The following WDPCP variants were observed in gnomAD, a reference collection of about 807,000 sequenced individuals.
WDPCP encodes WD repeat-containing and planar cell polarity effector protein fritz homolog.
WDPCP carries 71 observed loss-of-function variants against 93.1 expected under a neutral mutation model. That is an observed-to-expected ratio of 0.76 (90% confidence interval 0.63 to 0.93). The LOEUF is 0.93. Among genes scored for constraint, WDPCP ranks in the 40% least tolerant of loss-of-function variants. WDPCP has a pLI of 0.00. For missense variants in WDPCP, 844 were observed against 887.4 expected (o/e 0.95, Z 0.62); for synonymous variants, 315 against 315.0 (o/e 1.00, Z 0.00).
At position 63,120,907 on chromosome 2, in the gene WDPCP, A is replaced by AT. The variant is rs1207261003; in HGVS notation, c.*1098dup. Reference sequence around the variant, plus strand: ...TGTCAATAACTGTGAAGGGTATGAGATTTTACCCTACTTACTAGCTAACAA... The same window carrying AT: ...TGTCAATAACTGTGAAGGGTATGAGATTTTTACCCTACTTACTAGCTAACAA... On this transcript the variant is annotated 3_prime_UTR_variant, in exon 18 of 18. Coordinates refer to ENST00000272321, the MANE Select transcript of WDPCP (RefSeq NM_015910.7). Among the ~76,000 whole-genome samples, 1 of 152,056 alleles carries AT rather than the reference A, an allele frequency of 6.6e-6. No homozygotes were observed. Among genetic ancestry groups the AT allele is most frequent in the African/African-American group, 2.4e-5 (1 of 41,404 alleles).
At chr2:63,267,063 C>G (rs1682192342) in intron 13 of WDPCP, among the ~76,000 whole-genome samples, 1 of 152,002 alleles carries the variant, frequency 6.6e-6, no homozygotes, top group African/African-American at 2.4e-5. Context: ...GGAGGCAACA[C>G]AATAACTTCA....
intron 3 of WDPCP, among the ~76,000 whole-genome samples, chr2:63,649,480 G>C (rs1171518147): frequency 1.3e-5 from 2 of 152,102 alleles, no homozygotes; most frequent in Admixed American, 6.5e-5. Context: ...CCCACCTGTT[G>C]GTTATTGTGA....
At chr2:63,214,692 T>G (rs944736791) in intron 14 of WDPCP, among the ~76,000 whole-genome samples, 8 of 152,220 alleles carry the variant, frequency 5.3e-5, no homozygotes, top group African/African-American at 1.9e-4. Context: ...TGTCCCTGTT[T>G]GCAGATGACA....
chr2:63,408,931 C>A (rs184086997), intron 9 of WDPCP, among the ~76,000 whole-genome samples: 5 of 152,206 alleles, frequency 3.3e-5, no homozygotes, highest in South Asian at 2.1e-4. Context: ...ACACACCTAG[C>A]CCTGCTCCCA....
chr2:63,317,252 C>G (rs796467909), intron 12 of WDPCP, among the ~76,000 whole-genome samples: 1 of 151,662 alleles, frequency 6.6e-6, no homozygotes, highest in African/African-American at 2.4e-5. Flanking sequence ...AAAAACAATA[C>G]AAAACATTAG....
At chr2:63,401,282 C>T (rs1694130154) in intron 10 of WDPCP, among the ~76,000 whole-genome samples, 2 of 152,150 alleles carry the variant, frequency 1.3e-5, no homozygotes, top group African/African-American at 2.4e-5. Context: ...CTACAAGGAA[C>T]TTAAACAAAT....
In WDPCP at chr2:63,640,157, C is replaced by T. The variant is rs923336049; in HGVS notation, n.488+10502G>A. Among the ~76,000 whole-genome samples the T allele has an allele frequency of 3.3e-5, 5 of 152,128 alleles. No homozygotes were observed. In the South Asian group the frequency reaches 1.0e-3, roughly 32 times the overall value. Reference sequence around the variant, plus strand: ...CCGAGTAGCTGGGACTACAGGCGCCCGCCACGACGCCCAGCTAATTTTTTG... The same window carrying T: ...CCGAGTAGCTGGGACTACAGGCGCCTGCCACGACGCCCAGCTAATTTTTTG... On this transcript the variant is annotated intron_variant and non_coding_transcript_variant, in intron 3 of 4. Transcript: ENST00000467687.
chr2:63,751,059 A>G (rs904704658), intron 2 of WDPCP, among the ~76,000 whole-genome samples: 1 of 152,110 alleles, frequency 6.6e-6, no homozygotes, highest in Admixed American at 6.5e-5. Flanking sequence ...TTATTTCTTC[A>G]GTGAATGTTC....
chr2:63,148,975 G>A (rs948587269), intron 17 of WDPCP, among the ~76,000 whole-genome samples: 5 of 151,962 alleles, frequency 3.3e-5, no homozygotes, highest in African/African-American at 4.8e-5. Context: ...TGGAAATAAG[G>A]AAGGACATCT....
chr2:63,215,009 G>C (rs951223790), intron 14 of WDPCP, among the ~76,000 whole-genome samples: 4 of 152,112 alleles, frequency 2.6e-5, no homozygotes, highest in African/African-American at 4.8e-5. Flanking sequence ...CCATGCTCAC[G>C]GATAGGAAGA....
At position 63,461,209 on chromosome 2, in the gene WDPCP, C is replaced by G. The variant is rs141163228; in HGVS notation, c.385-21338G>C. Among the ~76,000 whole-genome samples the G allele has an allele frequency of 3.9e-3, 596 of 152,294 alleles. 4 individuals carry two copies. Among genetic ancestry groups the G allele is most frequent in the African/African-American group, 0.013 (559 of 41,566 alleles). On this transcript the variant is annotated intron_variant, in intron 6 of 17. Coordinates refer to ENST00000272321, the MANE Select transcript of WDPCP (RefSeq NM_015910.7). ...TTTGGATATTTGTCCCCACCCAAAT[C>G]TCATGTTGAAATGTAATCCCCAGTG...
the WDPCP span, among the ~76,000 whole-genome samples, chr2:63,840,446 A>T: frequency 6.6e-6 from 1 of 152,338 alleles, no homozygotes; most frequent in Admixed American, 6.5e-5. Flanking sequence ...AACCGGGGCA[A>T]TGGGGATGGT....
upstream of WDPCP, chr2:63,593,571 A>G (rs1709243421): frequency 1.3e-5 from 6 of 471,524 alleles, no homozygotes; most frequent in East Asian, 2.8e-4. Flanking sequence ...AACTTTAAGT[A>G]AAAAGAAACC....
chr2:63,558,405 G>A (rs1287503551), intron 1 of WDPCP, among the ~76,000 whole-genome samples: 1 of 151,972 alleles, frequency 6.6e-6, no homozygotes, highest in African/African-American at 2.4e-5. Flanking sequence ...GTGCGTGCCT[G>A]TAATCCCAGC....
chr2:63,677,127 G>A (rs1469518060), intron 2 of WDPCP, among the ~76,000 whole-genome samples: 2 of 152,180 alleles, frequency 1.3e-5, no homozygotes, highest in South Asian at 2.1e-4. Flanking sequence ...TTCCTGTGTG[G>A]TTCTAATGTG....
chr2:63,706,603 T>TTC (rs1258295887), intron 2 of WDPCP, among the ~76,000 whole-genome samples: 11 of 127,774 alleles, frequency 8.6e-5, no homozygotes, highest in African/African-American at 3.2e-4. Flanking sequence ...TTCTTTTCTT[T>TTC]TTTTTTTTTT....
At chr2:63,228,521 T>C (rs974828427) in intron 14 of WDPCP, 6 of 151,986 alleles carry the variant, frequency 3.9e-5, no homozygotes, top group Admixed American at 6.6e-5. Context: ...CATGGTGGTG[T>C]GCTGCACCCA....
chr2:63,409,396 C>G (rs575803433), intron 9 of WDPCP, among the ~76,000 whole-genome samples: 3 of 152,290 alleles, frequency 2.0e-5, no homozygotes, highest in South Asian at 4.1e-4. Flanking sequence ...AGAATCTGAA[C>G]AACAGCCTTC....
intron 3 of WDPCP, among the ~76,000 whole-genome samples, chr2:63,600,469 T>A (rs1709397498): frequency 6.6e-6 from 1 of 152,204 alleles, no homozygotes; most frequent in South Asian, 2.1e-4. Context: ...CTTAGTCCAC[T>A]TACTAGCTCT....
Sources: allele counts gnomAD v4.1 joint callset (sites outside exome capture counted in the v4.1 genomes callset), GRCh38; gene constraint gnomAD v4.1.1; transcripts MANE v1.5; gene names NCBI Gene and HGNC (gene_info 2026-07-23, HGNC 2026-07-21).